Variants in RAP1A observed in about 807,000 individuals in gnomAD.
RAP1A encodes RAP1A, member of RAS oncogene family.
Under a neutral mutation model 26.4 loss-of-function variants are expected in RAP1A, and 6 were observed. The ratio of observed to expected loss-of-function variants is 0.23; its 90% CI spans 0.12 to 0.45. The LOEUF is 0.45. Ranked by LOEUF, RAP1A falls within the 20% of genes least tolerant of loss-of-function variation. The probability of loss-of-function intolerance (pLI) is 0.99; values close to 1 mark genes in which losing one functional copy is unlikely to be tolerated. For missense variants in RAP1A, 121 were observed against 217.2 expected (o/e 0.56, Z 2.78); for synonymous variants, 73 against 79.4 (o/e 0.92, Z 0.43).
intron 1 of RAP1A, among the ~76,000 whole-genome samples, chr1:111,622,074 C>T (rs1399161040): frequency 6.6e-6 from 1 of 152,188 alleles, no homozygotes; most frequent in East Asian, 1.9e-4. Flanking sequence ...ACTTGCCCAA[C>T]AGCAGAAAGA....
upstream of RAP1A, among the ~76,000 whole-genome samples, chr1:111,615,444 T>C (rs1050800367): frequency 3.9e-5 from 6 of 151,940 alleles, no homozygotes; most frequent in Non-Finnish European, 5.9e-5. Context: ...GGAAGGGCCA[T>C]TGTGTAGAAA....
At chr1:111,610,577 CA>C (rs1658910393) in intron 1 of RAP1A, among the ~76,000 whole-genome samples, 6 of 142,120 alleles carry the variant, frequency 4.2e-5, no homozygotes, top group Non-Finnish European at 6.2e-5. Context: ...CACACACACA[CA>C]CACCCAACAC....
intron 1 of RAP1A, among the ~76,000 whole-genome samples, chr1:111,599,482 G>C (rs1658627005): frequency 6.6e-6 from 1 of 152,222 alleles, no homozygotes; most frequent in Admixed American, 6.5e-5. Context: ...TAGGATTACA[G>C]GCGTGAGCCA....
At chr1:111,660,320 G>T (rs1353545894) in intron 1 of RAP1A, among the ~76,000 whole-genome samples, 1 of 152,046 alleles carries the variant, frequency 6.6e-6, no homozygotes, top group African/African-American at 2.4e-5. Flanking sequence ...CCCCCCTCTG[G>T]CTTCTTTCAG....
intron 1 of RAP1A, among the ~76,000 whole-genome samples, chr1:111,677,416 C>G (rs1305542574): frequency 6.6e-6 from 1 of 152,036 alleles, no homozygotes; most frequent in East Asian, 1.9e-4. Context: ...ACCAATTGAC[C>G]CAAATTTTAT....
intron 7 of RAP1A, among the ~76,000 whole-genome samples, chr1:111,711,583 T>G (rs537425459): frequency 1.3e-5 from 2 of 152,336 alleles, no homozygotes; most frequent in East Asian, 3.9e-4. Context: ...TGTGGATGTT[T>G]GATAATACCA....
intron 1 of RAP1A, among the ~76,000 whole-genome samples, chr1:111,605,399 G>A (rs943350066): frequency 1.3e-5 from 2 of 152,198 alleles, no homozygotes; most frequent in African/African-American, 2.4e-5. Flanking sequence ...TCCTCTGAGA[G>A]GCTAAGCATA....
intron 1 of RAP1A, among the ~76,000 whole-genome samples, chr1:111,626,370 TACACACACACACAC>T (rs3084315): frequency 1.3e-5 from 2 of 149,280 alleles, no homozygotes; most frequent in African/African-American, 5.0e-5. Context: ...TATGTATACA[TACACACACACACAC>T]ACACACACAC....
At position 111,713,228 on chromosome 1, in the gene RAP1A, G is replaced by A. The variant is rs1402136437; in HGVS notation, c.*827G>A. 2 of 152,276 alleles carry A rather than the reference G, an allele frequency of 1.3e-5. No individual in the cohort carries two copies. Among genetic ancestry groups the A allele is most frequent in the Admixed American group, 1.3e-4 (2 of 15,262 alleles). 9.4% of individuals were successfully genotyped at this position (152,276 alleles called of 1,614,324 possible). Reference sequence around the variant, plus strand: ...TCTGCCTAGTATCTGCAGAACACTGGCTTTAAACTATACTAAGTAACTGGT... The same window carrying A: ...TCTGCCTAGTATCTGCAGAACACTGACTTTAAACTATACTAAGTAACTGGT... On this transcript the variant is annotated 3_prime_UTR_variant, in exon 8 of 8. Coordinates refer to ENST00000369709, the MANE Select transcript of RAP1A (RefSeq NM_002884.4).
At chr1:111,682,404 C>T (rs1241662320) in intron 1 of RAP1A, among the ~76,000 whole-genome samples, 1 of 151,754 alleles carries the variant, frequency 6.6e-6, no homozygotes, top group Non-Finnish European at 1.5e-5. Flanking sequence ...GAGTCAAGAC[C>T]CATCAGTGTG....
intron 1 of RAP1A, among the ~76,000 whole-genome samples, chr1:111,687,442 A>G (rs770622733): frequency 5.9e-5 from 9 of 152,108 alleles, no homozygotes; most frequent in Non-Finnish European, 8.8e-5. Context: ...TCCTGACCTC[A>G]GGTGATCCAC....
At chr1:111,643,065 C>T (rs997352091) in intron 1 of RAP1A, among the ~76,000 whole-genome samples, 7 of 152,258 alleles carry the variant, frequency 4.6e-5, no homozygotes, top group Admixed American at 2.0e-4. Context: ...CCACTGCGCC[C>T]GGCCAGCTAA....
At chr1:111,599,136 C>T (rs138571930) in intron 1 of RAP1A, among the ~76,000 whole-genome samples, 1 of 152,122 alleles carries the variant, frequency 6.6e-6, no homozygotes, top group East Asian at 1.9e-4. Flanking sequence ...GAACCCTATT[C>T]TTTTGTGTTT....
intron 1 of RAP1A, among the ~76,000 whole-genome samples, chr1:111,642,153 G>C (rs566430303): frequency 6.6e-6 from 1 of 152,264 alleles, no homozygotes; most frequent in South Asian, 2.1e-4. Context: ...GTTGAGGCAG[G>C]AGAATCACGT....
intron 1 of RAP1A, chr1:111,650,685 A>G (rs948623140): frequency 1.3e-5 from 2 of 152,228 alleles, no homozygotes; most frequent in African/African-American, 2.4e-5. Context: ...ATGAATGTAC[A>G]TTGACACATA....
At chr1:111,679,549 C>G (rs569883177) in intron 1 of RAP1A, among the ~76,000 whole-genome samples, 1 of 152,038 alleles carries the variant, frequency 6.6e-6, no homozygotes, top group South Asian at 2.1e-4. Context: ...ACCTGGAACC[C>G]CAGCAACACA....
At chr1:111,618,205 T>C (rs557984478), upstream of RAP1A, among the ~76,000 whole-genome samples, 4 of 152,270 alleles carry the variant, frequency 2.6e-5, no homozygotes, top group Admixed American at 2.0e-4. Context: ...TCACCTCCCA[T>C]CCTATTAACA....
chr1:111,603,968 T>A (rs55944366), intron 1 of RAP1A, among the ~76,000 whole-genome samples: 8 of 152,140 alleles, frequency 5.3e-5, no homozygotes, highest in African/African-American at 1.4e-4. Context: ...TCTTTGCCTC[T>A]CTGCTTAAAC....
intron 1 of RAP1A, among the ~76,000 whole-genome samples, chr1:111,626,611 T>G (rs1250093961): frequency 2.6e-5 from 4 of 152,220 alleles, no homozygotes; most frequent in Non-Finnish European, 5.9e-5. Flanking sequence ...TTTTAGTGAC[T>G]GTTGTTAGCT....
Sources: allele counts gnomAD v4.1 joint callset (sites outside exome capture counted in the v4.1 genomes callset), GRCh38; gene constraint gnomAD v4.1.1; transcripts MANE v1.5; gene names NCBI Gene and HGNC (gene_info 2026-07-23, HGNC 2026-07-21).